Variants in SPRY3 observed in about 807,000 individuals in gnomAD.
The protein encoded by SPRY3 is protein sprouty homolog 3.
A neutral mutation model predicts 20.2 loss-of-function variants in SPRY3; 15 were observed. The ratio of observed to expected loss-of-function variants is 0.74; its 90% CI spans 0.50 to 1.14. The LOEUF (loss-of-function observed/expected upper bound fraction) is 1.14. SPRY3 is among the 50% of genes most tolerant of loss of function. SPRY3 has a pLI of 0.00. For synonymous variants in SPRY3, 143 were observed against 136.5 expected, an observed-to-expected ratio of 1.05 and a Z score of -0.33; for missense variants, 364 against 363.9, an observed-to-expected ratio of 1.00 and a Z score of 0.00.
intron 2 of SPRY3, among the ~76,000 whole-genome samples, chrX:155,733,882 G>A (rs2091151007): frequency 6.6e-6 from 1 of 152,014 alleles, no homozygotes; most frequent in Non-Finnish European, 1.5e-5. Context: ...TCATGAACCA[G>A]CCTCTGCTAG....
intron 2 of SPRY3, among the ~76,000 whole-genome samples, chrX:155,756,207 C>A (rs1049780081): frequency 2.0e-5 from 3 of 152,064 alleles, no homozygotes; most frequent in African/African-American, 7.2e-5. Flanking sequence ...ATATCAGCTA[C>A]CTCAGAGTTT....
chrX:155,707,159 G>T (rs2090957531), intron 2 of SPRY3, among the ~76,000 whole-genome samples: 1 of 150,982 alleles, frequency 6.6e-6, no homozygotes, highest in South Asian at 2.1e-4. Flanking sequence ...ACTGCTTAAG[G>T]GGCATACCAT....
intron 2 of SPRY3, among the ~76,000 whole-genome samples, chrX:155,748,810 T>C (rs1264037927): frequency 6.6e-6 from 1 of 151,894 alleles, no homozygotes; most frequent in African/African-American, 2.4e-5. Context: ...AATCAGATTC[T>C]GCATTAATTG....
chrX:155,715,395 G>A (rs1392810669), intron 2 of SPRY3, among the ~76,000 whole-genome samples: 2 of 152,104 alleles, frequency 1.3e-5, no homozygotes, highest in Non-Finnish European at 2.9e-5. Context: ...TGGAATGGGT[G>A]CCTCACAACT....
chrX:155,768,812 C>T (rs1181436339), intron 3 of SPRY3, among the ~76,000 whole-genome samples: 1 of 152,198 alleles, frequency 6.6e-6, no homozygotes, highest in African/African-American at 2.4e-5. Context: ...AGACCTAGGG[C>T]AATGGTTTAC....
At chrX:155,636,148 G>A (rs1222604430) in intron 1 of SPRY3, among the ~76,000 whole-genome samples, 1 of 111,401 alleles carries the variant, frequency 9.0e-6, no homozygotes, top group African/African-American at 3.3e-5. Flanking sequence ...AGTTGAGACT[G>A]CCACCCGCTA....
chrX:155,660,620 G>C (rs1373108391), intron 2 of SPRY3, among the ~76,000 whole-genome samples: 3 of 111,276 alleles, frequency 2.7e-5, no homozygotes, highest in Non-Finnish European at 5.7e-5. Flanking sequence ...TCAATGAGGT[G>C]TTGAATTGCT....
At chrX:155,725,094 T>TG (rs1201325400) in intron 2 of SPRY3, among the ~76,000 whole-genome samples, 6 of 152,218 alleles carry the variant, frequency 3.9e-5, no homozygotes, top group Non-Finnish European at 8.8e-5. Flanking sequence ...TTTTTGTCAT[T>TG]GGTTCCATTT....
intron 2 of SPRY3, among the ~76,000 whole-genome samples, chrX:155,715,777 C>T (rs1338892041): frequency 6.6e-6 from 1 of 152,144 alleles, no homozygotes; most frequent in Non-Finnish European, 1.5e-5. Flanking sequence ...AAGGCTGGTC[C>T]AAATGTTCCC....
intron 1 of SPRY3, among the ~76,000 whole-genome samples, chrX:155,643,618 T>C (rs1043304008): frequency 2.7e-5 from 3 of 111,554 alleles, no homozygotes; most frequent in African/African-American, 9.8e-5. Context: ...CACTTTTTAA[T>C]GTGTCCATTG....
chrX:155,727,714 G>T (rs1189083107), intron 2 of SPRY3, among the ~76,000 whole-genome samples: 2 of 151,964 alleles, frequency 1.3e-5, no homozygotes, highest in Non-Finnish European at 2.9e-5. Flanking sequence ...CTTTTTTCAA[G>T]GTTTTTAGCT....
intron 1 of SPRY3, among the ~76,000 whole-genome samples, chrX:155,616,132 T>TCTCTC (rs2067852088): frequency 1.4e-3 from 42 of 29,715 alleles, no homozygotes; most frequent in African/African-American, 2.6e-3. Context: ...CTCTCTCTCC[T>TCTCTC]CTCTCTCTCT....
chrX:155,613,763 C>G (rs1238955906), intron 1 of SPRY3, among the ~76,000 whole-genome samples: 3 of 111,410 alleles, frequency 2.7e-5, no homozygotes, highest in Non-Finnish European at 5.7e-5. Context: ...AGCACCTCCT[C>G]TGTGAAGCCT....
intron 2 of SPRY3, among the ~76,000 whole-genome samples, chrX:155,751,924 G>GAAATAATAAAATAAAATAAAATA: frequency 8.2e-6 from 1 of 121,704 alleles, no homozygotes; most frequent in East Asian, 2.3e-4. Flanking sequence ...CAAGGGAAGG[G>GAAATAATAAAATAAAATAAAATA]AAATAAAATA....
chrX:155,705,264 A>G (rs1469377506), intron 2 of SPRY3, among the ~76,000 whole-genome samples: 5 of 151,558 alleles, frequency 3.3e-5, no homozygotes, highest in African/African-American at 1.2e-4. Flanking sequence ...GTACAGTTGT[A>G]AAAGCCTTAC....
intron 2 of SPRY3, among the ~76,000 whole-genome samples, chrX:155,763,567 G>A (rs2091312736): frequency 6.6e-6 from 1 of 152,086 alleles, no homozygotes; most frequent in Admixed American, 6.6e-5. Flanking sequence ...TAAATTGCCT[G>A]TCATTCGAGT....
intron 2 of SPRY3, among the ~76,000 whole-genome samples, chrX:155,750,153 T>C (rs2091254064): frequency 6.6e-6 from 1 of 151,888 alleles, no homozygotes; most frequent in African/African-American, 2.4e-5. Context: ...CTAGAAGCCA[T>C]TATCCCAAGC....
intron 1 of SPRY3, among the ~76,000 whole-genome samples, chrX:155,656,115 C>G (rs782717254): frequency 9.0e-6 from 1 of 111,039 alleles, no homozygotes; most frequent in South Asian, 3.8e-4. Context: ...GTGGTGTTCT[C>G]TGTATTTCCT....
chrX:155,634,855 T>A (rs1216895391), intron 1 of SPRY3, among the ~76,000 whole-genome samples: 3 of 106,932 alleles, frequency 2.8e-5, no homozygotes, highest in Non-Finnish European at 5.7e-5. Context: ...ATATATATAT[T>A]ATATATGTAC....
Sources: gnomAD v4.1 joint callset for allele counts (sites outside exome capture counted in the v4.1 genomes callset) on GRCh38, gnomAD v4.1.1 for gene constraint, MANE v1.5 for transcripts, NCBI Gene and HGNC (gene_info 2026-07-23, HGNC 2026-07-21) for gene names.